The following TYW1B variants were observed in gnomAD, a reference collection of about 807,000 sequenced individuals.
TYW1B encodes the protein S-adenosyl-L-methionine-dependent tRNA 4-demethylwyosine synthase TYW1B.
Under a neutral mutation model 86.9 loss-of-function variants are expected in TYW1B, and 73 were observed. The ratio of observed to expected loss-of-function variants is 0.84; its 90% CI spans 0.70 to 1.02. The LOEUF is 1.02. Ranked by LOEUF, TYW1B falls within the 50% of genes least tolerant of loss-of-function variation. The probability of loss-of-function intolerance (pLI) is 0.00; values close to 1 mark genes in which losing one functional copy is unlikely to be tolerated. For missense variants in TYW1B, 637 were observed against 827.4 expected (o/e 0.77, Z 2.82); for synonymous variants, 248 against 292.8 (o/e 0.85, Z 1.56).
chr7:72,735,569 TA>T (rs1169710498), intron 8 of TYW1B, among the ~76,000 whole-genome samples: 84,907 of 118,672 alleles, frequency 0.72, 29,873 homozygotes, highest in East Asian at 0.76. Flanking sequence ...GACTCTGCCT[TA>T]AAAAAAAAAA....
chr7:72,611,899 G>T (rs181707205), intron 13 of TYW1B, among the ~76,000 whole-genome samples: 11 of 152,292 alleles, frequency 7.2e-5, no homozygotes, highest in African/African-American at 2.6e-4. Flanking sequence ...CTCCTTGTGG[G>T]TGGGGAAAGA....
intron 11 of TYW1B, among the ~76,000 whole-genome samples, chr7:72,692,607 G>A (rs1488434377): frequency 4.6e-5 from 7 of 152,102 alleles, no homozygotes; most frequent in Non-Finnish European, 1.0e-4. Context: ...TCCAGCTCAG[G>A]AGAGAGCAGC....
chr7:72,584,455 T>G (rs1554430149), intron 13 of TYW1B, among the ~76,000 whole-genome samples: 4 of 151,734 alleles, frequency 2.6e-5, no homozygotes, highest in Non-Finnish European at 5.9e-5. Context: ...ACAGTGTATA[T>G]TCCAATTTTT....
At chr7:72,627,927 G>C (rs1812387753) in intron 12 of TYW1B, among the ~76,000 whole-genome samples, 1 of 152,158 alleles carries the variant, frequency 6.6e-6, no homozygotes, top group African/African-American at 2.4e-5. Flanking sequence ...AAAACACATG[G>C]AAGACGAAAT....
chr7:72,814,509 G>A (rs1271361804), intron 3 of TYW1B, among the ~76,000 whole-genome samples: 3 of 151,946 alleles, frequency 2.0e-5, no homozygotes, highest in Non-Finnish European at 4.4e-5. Context: ...GTGTGAACCC[G>A]GGAGGCGGAG....
At chr7:72,798,041 A>ACG (rs1554474782) in intron 6 of TYW1B, among the ~76,000 whole-genome samples, 2 of 151,172 alleles carry the variant, frequency 1.3e-5, no homozygotes, top group South Asian at 2.1e-4. Flanking sequence ...ACACACACGC[A>ACG]CACACATATA....
intron 7 of TYW1B, among the ~76,000 whole-genome samples, chr7:72,756,506 A>G (rs11972180): frequency 0.012 from 1,885 of 152,146 alleles, 38 homozygotes; most frequent in African/African-American, 0.042. Flanking sequence ...AAGTGCTGGA[A>G]TTACAGGTGT....
intron 5 of TYW1B, 47 bp from the exon 6 acceptor site, chr7:72,802,569 C>T: frequency 6.2e-7 from 1 of 1,605,090 alleles, no homozygotes; most frequent in Non-Finnish European, 8.5e-7. Flanking sequence ...GGGGCAAAGG[C>T]AAAGTTCTCT....
intron 13 of TYW1B, among the ~76,000 whole-genome samples, chr7:72,598,365 G>C (rs1334943850): frequency 6.6e-6 from 1 of 151,978 alleles, no homozygotes; most frequent in Non-Finnish European, 1.5e-5. Context: ...GATCGTGTAA[G>C]TTAGTACTTA....
rs4717667 is a variant in TYW1B at position 72,660,355 on chromosome 7, A to G, written c.1507-31358T>C. Among the ~76,000 whole-genome samples, 1,403 of 152,136 alleles carry G rather than the reference A, an allele frequency of 9.2e-3. 69 individuals carry two copies. The East Asian group carries it at 0.12, about 13-fold the overall frequency. On this transcript the variant is annotated intron_variant, in intron 11 of 13. Coordinates refer to ENST00000620995, the MANE Select transcript of TYW1B (RefSeq NM_001145440.3). ...GGCCATTGCACTCCAGCCTGGTCAA[A>G]AGAGCAAGTCCCTGTCTCCAAACAA...
chr7:72,735,918 T>C (rs1421239392), intron 8 of TYW1B, among the ~76,000 whole-genome samples: 1 of 152,140 alleles, frequency 6.6e-6, no homozygotes, highest in Non-Finnish European at 1.5e-5. Flanking sequence ...TTAAGGTTTA[T>C]AAATCATTGG....
rs187847704 is a variant in TYW1B, at chr7:72,778,085, C to T, written c.847-552G>A. Among the ~76,000 whole-genome samples the T allele has an allele frequency of 2.2e-3, 332 of 152,250 alleles. 1 individual carries two copies. Among genetic ancestry groups the T allele is most frequent in the African/African-American group, 7.8e-3 (324 of 41,544 alleles). On this transcript the variant is annotated intron_variant, in intron 6 of 13. Coordinates refer to ENST00000620995, the MANE Select transcript of TYW1B (RefSeq NM_001145440.3). The stretch of plus-strand genomic sequence containing the variant: ...TTAAGTAACTATATATTCAAACATA[C>T]ACATCCAAAAACCATAAATCTACAA...
Position 72,575,249 on chromosome 7 carries a change from C to G in TYW1B, c.*249G>C. Reference sequence around the variant, plus strand: ...CTAATCACGACTGTGTAGTTCCTCCCCAAAATAATTTTCCTCTTAGAAGTA... The same window carrying G: ...CTAATCACGACTGTGTAGTTCCTCCGCAAAATAATTTTCCTCTTAGAAGTA... On this transcript the variant is annotated 3_prime_UTR_variant, in exon 14 of 14. Transcript: ENST00000620995. 7.5e-7 allele frequency: 1 copy of G among 1,333,808 alleles called. No homozygotes were observed. Among genetic ancestry groups the G allele is most frequent in the South Asian group, 1.8e-5 (1 of 55,614 alleles). 82.6% of individuals were successfully genotyped at this position (1,333,808 alleles called of 1,614,324 possible).
chr7:72,761,991 T>C lies in TYW1B; in HGVS notation c.964+15425A>G, dbSNP rs568296335. Among the ~76,000 whole-genome samples, 56 of 152,226 alleles carry C rather than the reference T, an allele frequency of 3.7e-4. 1 individual carries two copies. In the South Asian group the frequency reaches 9.1e-3, roughly 25 times the overall value. On this transcript the variant is annotated intron_variant, in intron 7 of 13. Transcript: ENST00000620995. Reference sequence around the variant, plus strand: ...TTAAGTTGGCTATAATTAAAAGAGATTGTTTATATTTAGTCTTTCTAAAAA... The same window carrying C: ...TTAAGTTGGCTATAATTAAAAGAGACTGTTTATATTTAGTCTTTCTAAAAA...
intron 4 of TYW1B, among the ~76,000 whole-genome samples, chr7:72,810,016 A>G (rs1467587157): frequency 6.7e-6 from 1 of 150,100 alleles, no homozygotes; most frequent in Non-Finnish European, 1.5e-5. Flanking sequence ...AAAAAAAAAA[A>G]CACAGAAGAG....
intron 12 of TYW1B, among the ~76,000 whole-genome samples, chr7:72,622,567 T>C (rs1268213319): frequency 1.3e-5 from 2 of 152,242 alleles, no homozygotes; most frequent in East Asian, 3.9e-4. Context: ...CATGAGACTC[T>C]AGTAAGTGCA....
At chr7:72,774,830 A>G (rs1444416477) in intron 7 of TYW1B, among the ~76,000 whole-genome samples, 1 of 152,188 alleles carries the variant, frequency 6.6e-6, no homozygotes, top group African/African-American at 2.4e-5. Flanking sequence ...GCAAACAGAC[A>G]GGAAAACATG....
rs568645623 is a variant in TYW1B at position 72,748,672 on chromosome 7, T to G, written c.965-4071A>C. 8.6e-5 allele frequency among the ~76,000 whole-genome samples: 13 copies of G among 151,868 alleles called. No homozygotes were observed. In the East Asian group the frequency reaches 2.5e-3, roughly 29 times the overall value. Reference sequence around the variant, plus strand: ...GGGTTAGACTCTGCCAAATGCTTTTTCAGAATCAATTGATATGACTGACTG... The same window carrying G: ...GGGTTAGACTCTGCCAAATGCTTTTGCAGAATCAATTGATATGACTGACTG... On this transcript the variant is annotated intron_variant, in intron 7 of 13. Transcript: ENST00000620995.
At chr7:72,695,797 C>T (rs1477639254) in intron 10 of TYW1B, among the ~76,000 whole-genome samples, 1 of 152,042 alleles carries the variant, frequency 6.6e-6, no homozygotes, top group South Asian at 2.1e-4. Context: ...GGTCCCACTA[C>T]GTTACCTAGG....
Sources: gnomAD v4.1 joint callset for allele counts (sites outside exome capture counted in the v4.1 genomes callset) on GRCh38, gnomAD v4.1.1 for gene constraint, MANE v1.5 for transcripts, NCBI Gene and HGNC (gene_info 2026-07-23, HGNC 2026-07-21) for gene names.